The following PLEKHG2 variants were observed in gnomAD, a reference collection of about 807,000 sequenced individuals.
PLEKHG2 encodes pleckstrin homology domain-containing family G member 2.
Under a neutral mutation model 104.4 loss-of-function variants are expected in PLEKHG2, and 71 were observed. That is an observed-to-expected ratio of 0.68 (90% CI 0.56 to 0.83). The LOEUF is 0.83. PLEKHG2 is among the 40% of genes least tolerant of loss of function. The probability of loss-of-function intolerance (pLI) is 0.00; values close to 1 mark genes in which losing one functional copy is unlikely to be tolerated. For synonymous variants in PLEKHG2, 728 were observed against 737.0 expected, an observed-to-expected ratio of 0.99 and a Z score of 0.20; for missense variants, 1,730 against 1,809.4, an observed-to-expected ratio of 0.96 and a Z score of 0.80.
At position 39,420,610 on chromosome 19, in the gene PLEKHG2, T is replaced by A; in HGVS notation, c.1264-16T>A. ...CAAGATCGACCCACCTCAGCCCTCA[T>A]CCTCCTGTCTTTCAGGCAAAGCAAG... On this transcript the variant is annotated splice_polypyrimidine_tract_variant and intron_variant, in intron 11 of 18. Transcript: ENST00000425673. 6.2e-7 allele frequency: 1 copy of A among 1,614,068 alleles called. No individual in the cohort carries two copies. The highest frequency in any genetic ancestry group is 8.5e-7 in the Non-Finnish European group (1 of 1,179,990).
At chr19:39,420,555 G>T in intron 11 of PLEKHG2, 71 bp from the exon 12 acceptor site, 1 of 1,599,520 alleles carries the variant, frequency 6.3e-7, no homozygotes, top group Admixed American at 1.7e-5. Context: ...GCATGACTAC[G>T]GTGCTTAAAG....
In PLEKHG2 at chr19:39,416,866, C is replaced by T. The variant is rs201201843; in HGVS notation, c.610C>T (p.Arg204Trp). Reference protein sequence around the residue: ...MNYPSSLALLRELSLSPPAAL... With the variant: ...MNYPSSLALLWELSLSPPAAL... ...TGCCCCCAGCTCCCTGGCCCTGCTC[C>T]GGGAGCTGTCGTTGTCTCCGCCAGC... Residue 204 changes from arginine (R) to tryptophan (W), a missense_variant, in exon 7 of 19, where the codon CGG becomes TGG. Coordinates refer to ENST00000425673, the MANE Select transcript of PLEKHG2 (RefSeq NM_022835.3). This position sits in a 1 kb window ranked among gnomAD's most constrained non-coding sequence, Gnocchi z 4.5. The T allele has an allele frequency of 2.2e-4, 358 of 1,608,326 alleles. 2 individuals carry two copies. The highest frequency in any genetic ancestry group is 2.1e-3 in the East Asian group (95 of 44,832).
chr19:39,415,478 T>C lies in PLEKHG2; in HGVS notation c.479+39T>C, dbSNP rs375366969. ...GGGACAGGCAGGGGGCATTGATTGG[T>C]TGGAGGGTCTATTTCCTAATCCAAA... On this transcript the variant is annotated intron_variant, in intron 4 of 18. Coordinates refer to ENST00000425673, the MANE Select transcript of PLEKHG2 (RefSeq NM_022835.3). This position sits in a 1 kb window ranked among gnomAD's most constrained non-coding sequence, Gnocchi z 4.6. 2.6e-5 allele frequency: 42 copies of C among 1,605,848 alleles called. 1 individual carries two copies. The African/African-American group carries it at 4.7e-4, about 18-fold the overall frequency.
intron 16 of PLEKHG2, chr19:39,421,819 C>G (rs2078702604): frequency 4.0e-6 from 1 of 249,354 alleles, no homozygotes; most frequent in Non-Finnish European, 7.6e-6. Context: ...GAATTTGAGA[C>G]CAGGCTGGCC....
rs1478329905 is a variant in PLEKHG2, at chr19:39,427,030, G to A, written c.*1736G>A. ...CAGCTAATTTTTCGTTGTTGTTGTTGTTGTTTTGTTTTTGAGACAGAGTCT... is the reference window on the plus strand; with the variant it reads ...CAGCTAATTTTTCGTTGTTGTTGTTATTGTTTTGTTTTTGAGACAGAGTCT... On this transcript the variant is annotated 3_prime_UTR_variant, in exon 19 of 19. Transcript: ENST00000425673. The A allele has an allele frequency of 6.6e-6, 1 of 151,794 alleles. No homozygotes were observed. Among genetic ancestry groups the A allele is most frequent in the Non-Finnish European group, 1.5e-5 (1 of 67,996 alleles). 9.4% of individuals were successfully genotyped at this position (151,794 alleles called of 1,614,324 possible).
At chr19:39,414,606 G>A (rs1600643556) in intron 2 of PLEKHG2, among the ~76,000 whole-genome samples, 1 of 152,152 alleles carries the variant, frequency 6.6e-6, no homozygotes, top group African/African-American at 2.4e-5. Flanking sequence ...TAAGAAGAGG[G>A]GTGGCTGTGG....
rs943246969 is a variant in PLEKHG2 at position 39,415,184 on chromosome 19, C to G, written c.302C>G (p.Ser101Ter). ...PVGIPGSARP[S>*]RLERVAREIV... is the part of the protein sequence containing the mutation. Reference sequence around the variant, plus strand: ...GGGATCCCAGGTTCAGCCAGACCCTCAAGGCTGGAGCGTGTGGCCCGGGAG... The same window carrying G: ...GGGATCCCAGGTTCAGCCAGACCCTGAAGGCTGGAGCGTGTGGCCCGGGAG... Residue 101 changes from serine (S) to a stop codon, truncating the protein, a stop_gained, in exon 3 of 19, where the codon TCA (serine) becomes TGA (stop). Coordinates refer to ENST00000425673, the MANE Select transcript of PLEKHG2 (RefSeq NM_022835.3). LOFTEE classifies it high-confidence loss of function. The surrounding 1 kb of genome is among the most constrained non-coding windows in gnomAD (Gnocchi z 4.6). 1.3e-6 allele frequency: 2 copies of G among 1,592,712 alleles called. No homozygotes were observed. The highest frequency in any genetic ancestry group is 1.7e-6 in the Non-Finnish European group (2 of 1,168,890).
rs941195665 is a variant in PLEKHG2 at position 39,422,267 on chromosome 19, G to C, written c.1656G>C (p.Gln552His). Residue 552 changes from glutamine to histidine, a missense_variant, in exon 17 of 19, where the codon CAG becomes CAC. Physicochemically the swap from Gln to His is conservative, Grantham distance 24 (BLOSUM62 0). Coordinates refer to ENST00000425673, the MANE Select transcript of PLEKHG2 (RefSeq NM_022835.3). ...AAGAAATCCTGGAACTGCTGAATCA[G>C]CGAGGCCTTCGAGATCCAGGGGTGA... Reference protein sequence around the residue: ...ITEEILELLNQRGLRDPGPST... With the variant: ...ITEEILELLNHRGLRDPGPST... The C allele has an allele frequency of 1.2e-6, 2 of 1,612,754 alleles. No individual in the cohort carries two copies. The highest frequency in any genetic ancestry group is 3.3e-5 in the Admixed American group (2 of 59,880).
intron 9 of PLEKHG2, 71 bp from the exon 10 acceptor site, chr19:39,418,663 G>A: frequency 8.0e-7 from 1 of 1,248,708 alleles, no homozygotes; most frequent in Non-Finnish European, 1.2e-6. Context: ...ACACCTCCAA[G>A]GGTGTCTCCG....
Position 39,420,674 on chromosome 19 carries a change from TG to T in PLEKHG2, c.1297+18del, listed in dbSNP as rs559179725. ...CAGCCTGCATTGTGAGTTGGGGCCT[TG>T]GGCTGGGAGGGTGTGGAAGTAGACG... is the stretch of plus-strand genomic sequence containing the variant. On this transcript the variant is annotated intron_variant, in intron 12 of 18. Coordinates refer to ENST00000425673, the MANE Select transcript of PLEKHG2 (RefSeq NM_022835.3). 75 of 1,614,104 alleles carry T rather than the reference TG, an allele frequency of 4.6e-5. 1 individual carries two copies. In the South Asian group the frequency reaches 7.2e-4, roughly 16 times the overall value.
In PLEKHG2 at chr19:39,423,512, C is replaced by T. The variant is rs1427378551; in HGVS notation, c.2458C>T (p.Leu820=). 2.5e-6 allele frequency: 4 copies of T among 1,576,930 alleles called. No individual in the cohort carries two copies. In the East Asian group the frequency reaches 9.1e-5, roughly 36 times the overall value. The change falls in exon 18 of 19, where the codon CTG becomes TTG. Residue 820 remains leucine, a synonymous_variant. Coordinates refer to ENST00000425673, the MANE Select transcript of PLEKHG2 (RefSeq NM_022835.3). ...AAGGACGGCGTCCCGAGTGCGAGAG[C>T]TGGCCCGGCTTTACAGCGAGCGGAT... The part of the protein sequence containing the change: ...SERTASRVRE[L]ARLYSERIQQ...
Position 39,422,236 on chromosome 19 carries a change from T to C in PLEKHG2, c.1625T>C (p.Ile542Thr). The change falls in exon 17 of 19, where the codon ATC (isoleucine) becomes ACC (threonine). Residue 542 changes from isoleucine (I) to threonine (T), a missense_variant. By Grantham distance (89) the Ile-to-Thr change is moderately conservative (BLOSUM62 -1). Transcript: ENST00000425673. ...PPTLDPSGTS[I>T]TEEILELLNQ... is the part of the protein sequence containing the mutation. Reference sequence around the variant, plus strand: ...ACACTGGACCCCTCTGGGACCTCAATCACTGAAGAAATCCTGGAACTGCTG... The same window carrying C: ...ACACTGGACCCCTCTGGGACCTCAACCACTGAAGAAATCCTGGAACTGCTG... 6.2e-7 allele frequency: 1 copy of C among 1,613,754 alleles called. No individual in the cohort carries two copies. Among genetic ancestry groups the C allele is most frequent in the East Asian group, 2.2e-5 (1 of 44,860 alleles).
intron 7 of PLEKHG2, 28 bp from the exon 8 acceptor site, chr19:39,417,527 C>A: frequency 6.8e-6 from 11 of 1,610,246 alleles, no homozygotes; most frequent in Non-Finnish European, 9.3e-6. Context: ...CTCTCCCCAT[C>A]CCTGCGTGCC....
At position 39,418,865 on chromosome 19, in the gene PLEKHG2, A is replaced by G. The variant is rs774690752; in HGVS notation, c.1176+39A>G. The G allele has an allele frequency of 2.5e-6, 4 of 1,595,948 alleles. No individual in the cohort carries two copies. The East Asian group carries it at 9.0e-5, about 36-fold the overall frequency. ...GGGATCAGGCTGGCAGGGATCCCCC[A>G]GCCTCGAGACCTCACACCTGGCCCC... On this transcript the variant is annotated intron_variant, in intron 10 of 18. Coordinates refer to ENST00000425673, the MANE Select transcript of PLEKHG2 (RefSeq NM_022835.3).
rs184452101 is a variant in PLEKHG2 at position 39,417,090 on chromosome 19, G to A, written c.744+90G>A. ...TTCATCTGGAGGATGGACCCCCCACGAGTTGGGCAAGGCCTCCCAAAGTGC... is the reference window on the plus strand; with the variant it reads ...TTCATCTGGAGGATGGACCCCCCACAAGTTGGGCAAGGCCTCCCAAAGTGC... On this transcript the variant is annotated intron_variant, in intron 7 of 18. Coordinates refer to ENST00000425673, the MANE Select transcript of PLEKHG2 (RefSeq NM_022835.3). The A allele has an allele frequency of 3.2e-3, 4,606 of 1,432,100 alleles. 9 individuals carry two copies. The highest frequency in any genetic ancestry group is 3.9e-3 in the Non-Finnish European group (4,217 of 1,075,998). The allele number at this position is 1,432,100 out of a possible 1,614,324, so 88.7% of individuals were successfully genotyped here.
rs745501106 is a variant in PLEKHG2, at chr19:39,424,500, A to T, written c.3367A>T (p.Ile1123Phe). ...ACATGGAAGCCACCTGGACCATCGG[A>T]TCCCAGCCAACGCCCCACTGTCTTT... ...PAHGSHLDHR[I>F]PANAPLSLSQ... is the part of the protein sequence containing the mutation. Residue 1123 changes from isoleucine to phenylalanine, a missense_variant, in exon 19 of 19, where the codon ATC becomes TTC. Coordinates refer to ENST00000425673, the MANE Select transcript of PLEKHG2 (RefSeq NM_022835.3). 2 of 1,613,936 alleles carry T rather than the reference A, an allele frequency of 1.2e-6. No homozygotes were observed. The highest frequency in any genetic ancestry group is 2.2e-5 in the South Asian group (2 of 91,056).
In PLEKHG2 at chr19:39,418,962, C is replaced by A. The variant is rs762765271; in HGVS notation, c.1222C>A (p.Arg408Ser). Residue 408 changes from arginine (R) to serine (S), a missense_variant, in exon 11 of 19, where the codon CGC (arginine) becomes AGC (serine). Arg to Ser is a moderately radical substitution (Grantham distance 110). Transcript: ENST00000425673. ...EKRLWIHCLQ[R>S]LFFENHPASI... ...GAGGCTGTGGATTCACTGTCTCCAG[C>A]GCCTCTTCTTTGAGAACCACCCTGC... is the stretch of plus-strand genomic sequence containing the variant. The A allele has an allele frequency of 5.6e-6, 9 of 1,613,240 alleles. No individual in the cohort carries two copies. The highest frequency in any genetic ancestry group is 1.7e-5 in the Admixed American group (1 of 59,894).
At chr19:39,414,271 A>C in intron 2 of PLEKHG2, 76 bp downstream of exon 2, 1 of 1,421,814 alleles carries the variant, frequency 7.0e-7, no homozygotes, top group South Asian at 1.3e-5. Context: ...AGGGTGATGG[A>C]GACAACCCCA....
rs200997240 is a variant in PLEKHG2 at position 39,422,701 on chromosome 19, T to C, written c.1678-31T>C. ...ACCACACCCAGCTACCATGCTGATA[T>C]GTTTGGCTTGTTCTCCTGTGCCCAC... On this transcript the variant is annotated intron_variant, in intron 17 of 18. Coordinates refer to ENST00000425673, the MANE Select transcript of PLEKHG2 (RefSeq NM_022835.3). The C allele has an allele frequency of 2.6e-4, 389 of 1,509,038 alleles. 1 individual carries two copies. Among genetic ancestry groups the C allele is most frequent in the Non-Finnish European group, 1.5e-4 (167 of 1,130,468 alleles). The allele number at this position is 1,509,038 out of a possible 1,614,324, so 93.5% of individuals were successfully genotyped here.
Sources: allele counts gnomAD v4.1 joint callset (sites outside exome capture counted in the v4.1 genomes callset), GRCh38; gene constraint gnomAD v4.1.1; non-coding constraint Gnocchi (gnomAD v3.1); transcripts MANE v1.5; gene names NCBI Gene and HGNC (gene_info 2026-07-23, HGNC 2026-07-21).